The following ABCG2 variants were observed in gnomAD, a reference collection of about 807,000 sequenced individuals.
The protein encoded by ABCG2 is broad substrate specificity ATP-binding cassette transporter ABCG2.
ABCG2 carries 80 observed loss-of-function variants against 73.5 expected under a neutral mutation model. The ratio of observed to expected loss-of-function variants is 1.09; its 90% CI spans 0.91 to 1.31. ABCG2 has a LOEUF of 1.31. Among genes scored for constraint, ABCG2 ranks in the 50% most tolerant of loss-of-function variants. The pLI, the probability that ABCG2 is intolerant of heterozygous loss-of-function variation, is 0.00. For missense variants in ABCG2, 796 were observed against 786.2 expected (o/e 1.01, Z -0.15); for synonymous variants, 269 against 282.4 (o/e 0.95, Z 0.48).
chr4:88,158,515 A>C lies in ABCG2; in HGVS notation c.-149T>G, dbSNP rs1727104984. 2.2e-6 allele frequency: 1 copy of C among 456,360 alleles called. No homozygotes were observed. Among genetic ancestry groups the C allele is most frequent in the Non-Finnish European group, 4.4e-6 (1 of 226,942 alleles). The allele number at this position is 456,360 out of a possible 1,614,324, so 28.3% of individuals were successfully genotyped here. A position where few individuals can be genotyped will look rare whatever the true frequency, so the allele number is the denominator to read the frequency against. The stretch of plus-strand genomic sequence containing the variant: ...ACCCGGACCTTCCAAACAAACTCTA[A>C]AGCAGCAGTTTCCACTTAACAAGAC... On this transcript the variant is annotated 5_prime_UTR_variant, in exon 1 of 16. Coordinates refer to ENST00000237612, the MANE Select transcript of ABCG2 (RefSeq NM_004827.3).
At chr4:88,159,339 T>G (rs537806949), upstream of ABCG2, 2 of 391,744 alleles carry the variant, frequency 5.1e-6, no homozygotes, top group East Asian at 7.9e-5. Flanking sequence ...TTCTGGTGAA[T>G]GGGATTCTGA....
chr4:88,122,752 C>T (rs1724097277), intron 5 of ABCG2, among the ~76,000 whole-genome samples: 2 of 152,188 alleles, frequency 1.3e-5, no homozygotes, highest in Non-Finnish European at 2.9e-5. Context: ...CAGACTTAAA[C>T]GTTCCTGCCT....
At chr4:88,148,298 GAAAAGAAGAAAGGAGAAGAGA>G (rs1726189405) in intron 1 of ABCG2, among the ~76,000 whole-genome samples, 1 of 152,122 alleles carries the variant, frequency 6.6e-6, no homozygotes, top group Non-Finnish European at 1.5e-5. Context: ...CCTGTAGATG[GAAAAGAAGAAAGGAGAAGAGA>G]AAAAGCTGTT....
intron 1 of ABCG2, among the ~76,000 whole-genome samples, chr4:88,203,439 A>G (rs893802507): frequency 3.3e-5 from 5 of 152,208 alleles, no homozygotes; most frequent in African/African-American, 1.2e-4. Flanking sequence ...ATGTTCGAAT[A>G]TTGGAGCTTA....
chr4:88,216,213 G>A (rs1729806161), intron 1 of ABCG2, among the ~76,000 whole-genome samples: 2 of 152,184 alleles, frequency 1.3e-5, no homozygotes, highest in Admixed American at 1.3e-4. Context: ...AAGATCTCTA[G>A]TGACTTATGA....
intron 1 of ABCG2, among the ~76,000 whole-genome samples, chr4:88,151,758 T>G (rs1726507918): frequency 6.6e-6 from 1 of 151,532 alleles, no homozygotes; most frequent in Non-Finnish European, 1.5e-5. Flanking sequence ...AAAAAAGAAT[T>G]ATTAACAGAA....
At chr4:88,117,948 G>A (rs546918494) in intron 7 of ABCG2, among the ~76,000 whole-genome samples, 161 bp downstream of exon 7, 37 of 152,304 alleles carry the variant, frequency 2.4e-4, no homozygotes, top group African/African-American at 8.7e-4. Flanking sequence ...CTACAAAAAT[G>A]AAGAAAAATA....
At chr4:88,102,841 T>C (rs980466196) in intron 10 of ABCG2, among the ~76,000 whole-genome samples, 7 of 151,992 alleles carry the variant, frequency 4.6e-5, no homozygotes, top group African/African-American at 1.7e-4. Flanking sequence ...ACAATTACAT[T>C]AAAAGAAAAA....
intron 11 of ABCG2, among the ~76,000 whole-genome samples, chr4:88,100,713 T>G (rs1183285699): frequency 6.6e-6 from 1 of 152,102 alleles, no homozygotes; most frequent in African/African-American, 2.4e-5. Flanking sequence ...CTCTTTACTG[T>G]AAGAATGCCT....
chr4:88,137,582 G>A (rs1368333164), intron 2 of ABCG2, among the ~76,000 whole-genome samples: 1 of 152,186 alleles, frequency 6.6e-6, no homozygotes, highest in Non-Finnish European at 1.5e-5. Flanking sequence ...GTTGACCCAA[G>A]GCCCTGAGGA....
intron 1 of ABCG2, among the ~76,000 whole-genome samples, chr4:88,154,720 G>A (rs894993587): frequency 3.3e-5 from 5 of 152,126 alleles, no homozygotes; most frequent in Admixed American, 1.3e-4. Context: ...TGAAGTCTGG[G>A]CCAGGAACAA....
chr4:88,202,227 T>C (rs2110115434), intron 1 of ABCG2, among the ~76,000 whole-genome samples: 1 of 151,204 alleles, frequency 6.6e-6, no homozygotes, highest in African/African-American at 2.4e-5. Context: ...TTTGAGAGTC[T>C]AGGCGTTATG....
At chr4:88,218,689 A>G (rs1010649973) in intron 1 of ABCG2, among the ~76,000 whole-genome samples, 3 of 152,214 alleles carry the variant, frequency 2.0e-5, no homozygotes, top group Admixed American at 6.5e-5. Flanking sequence ...ACGTACGCAC[A>G]TGCAATGTTC....
At chr4:88,108,289 G>A (rs749314164) in intron 9 of ABCG2, among the ~76,000 whole-genome samples, 5 of 152,106 alleles carry the variant, frequency 3.3e-5, no homozygotes, top group Non-Finnish European at 5.9e-5. Flanking sequence ...TTGGGAGGCC[G>A]AGGGGGCAGA....
chr4:88,136,263 C>T (rs1725236685), intron 2 of ABCG2, among the ~76,000 whole-genome samples: 1 of 152,068 alleles, frequency 6.6e-6, no homozygotes, highest in African/African-American at 2.4e-5. Context: ...GACGTATACA[C>T]ATACATATCT....
intron 1 of ABCG2, chr4:88,206,360 C>G (rs891785599): frequency 1.3e-5 from 2 of 152,124 alleles, no homozygotes; most frequent in African/African-American, 4.8e-5. Context: ...ACTACACAGC[C>G]TTTTTCCACT....
At chr4:88,147,262 A>G (rs1314486902) in intron 1 of ABCG2, among the ~76,000 whole-genome samples, 1 of 152,058 alleles carries the variant, frequency 6.6e-6, no homozygotes, top group Non-Finnish European at 1.5e-5. Flanking sequence ...AGCACAGGAG[A>G]TCAGCTTGGG....
At chr4:88,219,747 ATTT>A (rs5860123) in intron 1 of ABCG2, among the ~76,000 whole-genome samples, 1 of 135,084 alleles carries the variant, frequency 7.4e-6, no homozygotes, top group Non-Finnish European at 1.6e-5. Context: ...ACGCCTGGCT[ATTT>A]TTTTTTTTTT....
rs879454225 is a variant in ABCG2 at position 88,155,767 on chromosome 4, G to A, written c.-20+2619C>T. ...TAAAAACATTAAAAATTAGCTGGGC[G>A]TGGTGGCACATGCCTGTAATCCCTG... On this transcript the variant is annotated intron_variant, in intron 1 of 15. Transcript: ENST00000237612. Among the ~76,000 whole-genome samples the A allele has an allele frequency of 1.9e-4, 29 of 152,024 alleles. 1 individual carries two copies. Among genetic ancestry groups the A allele is most frequent in the Admixed American group, 1.2e-3 (18 of 15,264 alleles).
Sources: allele counts gnomAD v4.1 joint callset (sites outside exome capture counted in the v4.1 genomes callset), GRCh38; gene constraint gnomAD v4.1.1; transcripts MANE v1.5; gene names NCBI Gene and HGNC (gene_info 2026-07-23, HGNC 2026-07-21).